The following FOXP1 variants were observed in gnomAD, a reference collection of about 807,000 sequenced individuals.
FOXP1 encodes forkhead box protein P1.
In FOXP1, 15 loss-of-function variants were observed where a neutral mutation model predicts 98.2. That is an observed-to-expected ratio of 0.15 (90% CI 0.10 to 0.24). FOXP1 has a LOEUF of 0.24. FOXP1 is among the 10% of genes least tolerant of loss of function. The pLI is 1.00. For missense variants in FOXP1, 633 were observed against 848.5 expected, an observed-to-expected ratio of 0.75 and a Z score of 3.15; for synonymous variants, 371 against 314.5, an observed-to-expected ratio of 1.18 and a Z score of -1.90.
At chr3:71,391,656 G>A (rs2081043363) in intron 3 of FOXP1, among the ~76,000 whole-genome samples, 1 of 152,212 alleles carries the variant, frequency 6.6e-6, no homozygotes, top group Admixed American at 6.5e-5. Context: ...TGAACATCTG[G>A]TCATGAATGA....
intron 3 of FOXP1, among the ~76,000 whole-genome samples, chr3:71,489,781 G>A (rs946232046): frequency 6.6e-6 from 1 of 152,158 alleles, no homozygotes; most frequent in African/African-American, 2.4e-5. Context: ...GGTTACCGCC[G>A]GCATCAATCG....
intron 7 of FOXP1, among the ~76,000 whole-genome samples, chr3:71,078,193 T>C (rs2054025302): frequency 6.6e-6 from 1 of 152,206 alleles, no homozygotes. Context: ...TCTTTCTTCT[T>C]TCTCCACCTG....
At chr3:71,195,800 C>T (rs1189708532) in intron 6 of FOXP1, among the ~76,000 whole-genome samples, 2 of 152,282 alleles carry the variant, frequency 1.3e-5, no homozygotes, top group South Asian at 4.1e-4. Context: ...CAAGTAAAAA[C>T]CTGTAGAATA....
At chr3:71,581,420 C>T (rs1249066647) in intron 2 of FOXP1, 129 bp downstream of exon 2, 2 of 985,302 alleles carry the variant, frequency 2.0e-6, no homozygotes, top group South Asian at 9.4e-5. Context: ...TGGGCACATT[C>T]CTCGCTCCCG....
intron 3 of FOXP1, among the ~76,000 whole-genome samples, chr3:71,406,405 G>GTGTA (rs1347753258): frequency 1.0e-4 from 11 of 105,936 alleles, no homozygotes; most frequent in Middle Eastern, 4.9e-3. Flanking sequence ...AACTGTATGT[G>GTGTA]TATATATATA....
At chr3:70,976,197 C>G (rs1351111435) in intron 17 of FOXP1, among the ~76,000 whole-genome samples, 3 of 151,822 alleles carry the variant, frequency 2.0e-5, no homozygotes, top group African/African-American at 7.3e-5. Context: ...ACCACAGGTG[C>G]ATGCCACCAT....
chr3:71,416,026 A>T (rs531571176), intron 3 of FOXP1, among the ~76,000 whole-genome samples: 14 of 152,360 alleles, frequency 9.2e-5, no homozygotes, highest in African/African-American at 3.4e-4. Context: ...CATTTGCTGA[A>T]GAAATATTTA....
intron 5 of FOXP1, 81 bp from the exon 6 acceptor site, chr3:71,198,473 G>T: frequency 8.1e-7 from 1 of 1,241,112 alleles, no homozygotes; most frequent in Non-Finnish European, 1.2e-6. Context: ...TTGTGCATAA[G>T]GAGAAGGGCC....
intron 7 of FOXP1, among the ~76,000 whole-genome samples, chr3:71,082,282 A>T (rs1321514340): frequency 1.3e-5 from 2 of 151,010 alleles, no homozygotes; most frequent in Non-Finnish European, 2.9e-5. Flanking sequence ...CTGTTTAAAA[A>T]AAAGAAAAAA....
intron 4 of FOXP1, among the ~76,000 whole-genome samples, chr3:71,358,093 TTGACATGCAAG>T (rs1340130753): frequency 6.6e-6 from 1 of 152,198 alleles, no homozygotes; most frequent in East Asian, 1.9e-4. Context: ...TCTCTCTGTT[TTGACATGCAAG>T]ACTTGTGAAA....
chr3:71,250,910 G>A (rs7646872), intron 5 of FOXP1, among the ~76,000 whole-genome samples: 31,512 of 151,984 alleles, frequency 0.21, 3,384 homozygotes, highest in East Asian at 0.25. Context: ...CAGCTTGGGT[G>A]ACAGAGTGAG....
chr3:71,357,500 A>G (rs2078244064), intron 4 of FOXP1, among the ~76,000 whole-genome samples: 1 of 152,232 alleles, frequency 6.6e-6, no homozygotes, highest in African/African-American at 2.4e-5. Flanking sequence ...CGTAAAAGTA[A>G]CCATAATGGT....
chr3:71,378,367 G>T (rs1466001896), intron 3 of FOXP1, among the ~76,000 whole-genome samples: 1 of 137,060 alleles, frequency 7.3e-6, no homozygotes, highest in Non-Finnish European at 1.7e-5. Context: ...TGCTTTCCAG[G>T]GTCTCAGTCA....
At chr3:71,557,432 C>A (rs556386578) in intron 2 of FOXP1, among the ~76,000 whole-genome samples, 3 of 150,924 alleles carry the variant, frequency 2.0e-5, no homozygotes, top group South Asian at 2.1e-4. Context: ...TGGCACACAG[C>A]ACAAAATACT....
chr3:71,180,012 G>A lies in FOXP1; in HGVS notation c.180+18190C>T, dbSNP rs79165131. Among the ~76,000 whole-genome samples the A allele has an allele frequency of 3.9e-3, 588 of 152,298 alleles. 2 individuals carry two copies. The highest frequency in any genetic ancestry group is 0.013 in the African/African-American group (548 of 41,546). On this transcript the variant is annotated intron_variant, in intron 6 of 20. Transcript: ENST00000649528. ...GATATTTTGTAGGCACTGGTGGAGT[G>A]AAGTGACTGTCTCGCCACCTCTTCC...
At chr3:71,530,318 T>C (rs902417369) in intron 2 of FOXP1, among the ~76,000 whole-genome samples, 1 of 152,168 alleles carries the variant, frequency 6.6e-6, no homozygotes, top group East Asian at 1.9e-4. Flanking sequence ...AGCCCTCTTT[T>C]GCTCTCATGC....
At chr3:71,488,297 T>C (rs1263726770) in intron 3 of FOXP1, among the ~76,000 whole-genome samples, 1 of 152,254 alleles carries the variant, frequency 6.6e-6, no homozygotes. Flanking sequence ...GGGGGTTTAT[T>C]TTTTAATTGA....
chr3:70,983,747 G>A (rs1045858050), intron 14 of FOXP1, among the ~76,000 whole-genome samples: 29 of 152,118 alleles, frequency 1.9e-4, no homozygotes, highest in African/African-American at 6.5e-4. Context: ...TATAAAATAC[G>A]ATTTACAGTG....
chr3:71,278,986 G>C (rs1224900870), intron 5 of FOXP1, among the ~76,000 whole-genome samples: 8 of 151,994 alleles, frequency 5.3e-5, no homozygotes, highest in Non-Finnish European at 1.2e-4. Flanking sequence ...GAGGTCAGGA[G>C]TTCGAGACCA....
Sources: gnomAD v4.1 joint callset for allele counts (sites outside exome capture counted in the v4.1 genomes callset) on GRCh38, gnomAD v4.1.1 for gene constraint, MANE v1.5 for transcripts, NCBI Gene and HGNC (gene_info 2026-07-23, HGNC 2026-07-21) for gene names.